The following CPED1 variants were observed in gnomAD, a reference collection of about 807,000 sequenced individuals.
CPED1 encodes the protein cadherin like and PC-esterase domain containing 1, also known as cadherin-like and PC-esterase domain-containing protein 1.
Under a neutral mutation model 128.2 loss-of-function variants are expected in CPED1, and 114 were observed. The observed-to-expected ratio is 0.89, with a 90% CI of 0.76 to 1.04. CPED1 has a LOEUF of 1.04. CPED1 is among the 50% of genes least tolerant of loss of function. The pLI is 0.00. For missense variants in CPED1, 1,211 were observed against 1,207.1 expected, an observed-to-expected ratio of 1.00 and a Z score of -0.05; for synonymous variants, 462 against 426.7, an observed-to-expected ratio of 1.08 and a Z score of -1.02.
rs531443433 is a variant in CPED1 at position 121,220,287 on chromosome 7, C to T, written c.2056-16427C>T. Among the ~76,000 whole-genome samples, 5 of 152,136 alleles carry T rather than the reference C, an allele frequency of 3.3e-5. 1 individual carries two copies. Among genetic ancestry groups the T allele is most frequent in the African/African-American group, 1.2e-4 (5 of 41,544 alleles). Reference sequence around the variant, plus strand: ...CCCACTTCCTATCCCAGTCTCTGAGCATCGTCTACTCTGAACTTGAATGGT... The same window carrying T: ...CCCACTTCCTATCCCAGTCTCTGAGTATCGTCTACTCTGAACTTGAATGGT... On this transcript the variant is annotated intron_variant, in intron 16 of 22. Coordinates refer to ENST00000310396, the MANE Select transcript of CPED1 (RefSeq NM_024913.5).
intron 16 of CPED1, among the ~76,000 whole-genome samples, chr7:121,176,173 T>A (rs1443407094): frequency 1.2e-5 from 1 of 82,038 alleles, no homozygotes; most frequent in African/African-American, 5.1e-5. Flanking sequence ...ACAAACAATA[T>A]CCCTCCATCC....
intron 16 of CPED1, among the ~76,000 whole-genome samples, chr7:121,233,296 T>A (rs1798177609): frequency 6.6e-6 from 1 of 152,120 alleles, no homozygotes; most frequent in South Asian, 2.1e-4. Flanking sequence ...GTGTGAAGAT[T>A]TCTGGAGCTA....
chr7:121,089,525 T>A (rs200518062), intron 5 of CPED1, among the ~76,000 whole-genome samples: 1 of 152,214 alleles, frequency 6.6e-6, no homozygotes, highest in East Asian at 1.9e-4. Flanking sequence ...AGTGTTTGTG[T>A]GTTACATTTA....
intron 3 of CPED1, among the ~76,000 whole-genome samples, chr7:121,016,103 A>G (rs1301239213): frequency 6.6e-6 from 1 of 152,216 alleles, no homozygotes; most frequent in Non-Finnish European, 1.5e-5. Context: ...TCATGTTTAA[A>G]TGCTACATAA....
Position 121,136,029 on chromosome 7 carries a change from T to C in CPED1, c.1649-11T>C. The C allele has an allele frequency of 6.6e-7, 1 of 1,508,888 alleles. No homozygotes were observed. Among genetic ancestry groups the C allele is most frequent in the Non-Finnish European group, 8.9e-7 (1 of 1,125,924 alleles). The allele number at this position is 1,508,888 out of a possible 1,614,324, so 93.5% of individuals were successfully genotyped here. A position where few individuals can be genotyped will look rare whatever the true frequency, so the allele number is the denominator to read the frequency against. ...TTTTTATTTTAAATTTACATTTCTT[T>C]TTTTTTTTAGCTGCAGTTCCACAAA... On this transcript the variant is annotated splice_polypyrimidine_tract_variant and intron_variant, in intron 13 of 22. Transcript: ENST00000310396.
chr7:121,234,196 G>A (rs184012653), intron 16 of CPED1, among the ~76,000 whole-genome samples: 13 of 152,024 alleles, frequency 8.6e-5, no homozygotes, highest in South Asian at 2.1e-4. Context: ...TGGGTATGGC[G>A]TAGGTACCTA....
chr7:121,149,879 C>T (rs1180602546), intron 16 of CPED1, among the ~76,000 whole-genome samples: 1 of 152,048 alleles, frequency 6.6e-6, no homozygotes, highest in East Asian at 1.9e-4. Flanking sequence ...AATGCCAGTC[C>T]CTGATGCCCA....
At chr7:121,074,573 T>A (rs1189520652) in intron 5 of CPED1, among the ~76,000 whole-genome samples, 1 of 130,064 alleles carries the variant, frequency 7.7e-6, no homozygotes, top group Non-Finnish European at 1.6e-5. Context: ...GCAGATATCC[T>A]TTCTCCTCAA....
chr7:121,276,384 T>C (rs1288694395), intron 22 of CPED1, among the ~76,000 whole-genome samples: 1 of 152,142 alleles, frequency 6.6e-6, no homozygotes, highest in Admixed American at 6.6e-5. Flanking sequence ...TCTCCTACAC[T>C]ACATTCCAAC....
chr7:121,249,070 G>A (rs956476022), intron 18 of CPED1, among the ~76,000 whole-genome samples: 26 of 152,018 alleles, frequency 1.7e-4, no homozygotes, highest in African/African-American at 6.0e-4. Context: ...CCAGGCTGAG[G>A]AAAGACTCTC....
intron 16 of CPED1, among the ~76,000 whole-genome samples, chr7:121,178,041 C>A (rs924495741): frequency 6.6e-6 from 1 of 152,006 alleles, no homozygotes; most frequent in Non-Finnish European, 1.5e-5. Flanking sequence ...AGGAAGTATT[C>A]ACGAGGAGGG....
At chr7:121,112,696 G>A (rs1311290293) in intron 7 of CPED1, among the ~76,000 whole-genome samples, 1 of 152,082 alleles carries the variant, frequency 6.6e-6, no homozygotes, top group East Asian at 1.9e-4. Flanking sequence ...TATCTCATTG[G>A]CCAAAGAACA....
chr7:121,287,444 G>A (rs988728822), intron 22 of CPED1, among the ~76,000 whole-genome samples: 1 of 152,144 alleles, frequency 6.6e-6, no homozygotes, highest in Non-Finnish European at 1.5e-5. Flanking sequence ...GAACAACTGA[G>A]AGGTGTAACA....
intron 22 of CPED1, among the ~76,000 whole-genome samples, chr7:121,272,532 T>G (rs1477155065): frequency 2.0e-5 from 3 of 152,062 alleles, no homozygotes; most frequent in African/African-American, 7.2e-5. Flanking sequence ...TGTCTATCAC[T>G]CTGTTGAGGA....
intron 15 of CPED1, 27 bp from the exon 16 acceptor site, chr7:121,141,946 T>C: frequency 6.3e-7 from 1 of 1,598,394 alleles, no homozygotes; most frequent in Non-Finnish European, 8.6e-7. Flanking sequence ...ATTCATATTC[T>C]ATTTCTCTCT....
intron 3 of CPED1, among the ~76,000 whole-genome samples, chr7:121,034,244 T>TTCCG (rs1277611123): frequency 5.5e-5 from 5 of 91,288 alleles, no homozygotes; most frequent in African/African-American, 2.0e-4. Context: ...CAAGTTTTTT[T>TTCCG]TTCTTTTTTT....
chr7:121,170,615 G>A lies in CPED1; in HGVS notation c.2055+28474G>A, dbSNP rs183397088. On this transcript the variant is annotated intron_variant, in intron 16 of 22. Transcript: ENST00000310396. ...GTGCTGATTAAAATAGATATCTTCC[G>A]TCTTCTCATGGAGCTCACAGTCTAG... is the stretch of plus-strand genomic sequence containing the variant. Among the ~76,000 whole-genome samples the A allele has an allele frequency of 1.9e-4, 29 of 152,112 alleles. No individual in the cohort carries two copies. The East Asian group carries it at 3.3e-3, about 17-fold the overall frequency.
At chr7:121,176,745 G>A (rs1338972814) in intron 16 of CPED1, among the ~76,000 whole-genome samples, 7 of 152,052 alleles carry the variant, frequency 4.6e-5, no homozygotes, top group Admixed American at 4.6e-4. Context: ...GCTACTTTAT[G>A]CATTTATAGA....
chr7:121,208,586 G>A (rs1200796346), intron 16 of CPED1, among the ~76,000 whole-genome samples: 1 of 152,024 alleles, frequency 6.6e-6, no homozygotes, highest in Non-Finnish European at 1.5e-5. Context: ...CAAAGATGGT[G>A]AATGGTAGAG....
Sources: gnomAD v4.1 joint callset for allele counts (sites outside exome capture counted in the v4.1 genomes callset) on GRCh38, gnomAD v4.1.1 for gene constraint, MANE v1.5 for transcripts, NCBI Gene and HGNC (gene_info 2026-07-23, HGNC 2026-07-21) for gene names.